The following VWF variants were observed in gnomAD, a reference collection of about 807,000 sequenced individuals.
VWF encodes Factor VIII related antigen.
In VWF, 176 loss-of-function variants were observed where a neutral mutation model predicts 308.6. The observed-to-expected ratio is 0.57, with a 90% CI of 0.50 to 0.65. The LOEUF is 0.65. Among genes scored for constraint, VWF ranks in the 30% least tolerant of loss-of-function variants. VWF has a pLI of 0.00. For synonymous variants in VWF, 1,385 were observed against 1,443.4 expected (o/e 0.96, Z 0.92); for missense variants, 3,146 against 3,648.2 (o/e 0.86, Z 3.55).
chr12:5,985,436 C>T (rs1943668572), intron 39 of VWF, 127 bp downstream of exon 39: 3 of 1,096,034 alleles, frequency 2.7e-6, no homozygotes, highest in Non-Finnish European at 4.0e-6. Context: ...CAAGGAAGCC[C>T]ACCCACTCTA....
At chr12:6,038,526 C>A (rs1176412402) in intron 18 of VWF, among the ~76,000 whole-genome samples, 1 of 7,216 alleles carries the variant, frequency 1.4e-4, no homozygotes, top group Admixed American at 1.5e-3. Context: ...GACAACCCAC[C>A]ATGCCTCCTG....
chr12:5,978,119 T>G (rs1294830116), intron 42 of VWF, among the ~76,000 whole-genome samples: 1 of 149,328 alleles, frequency 6.7e-6, no homozygotes, highest in Non-Finnish European at 1.5e-5. Flanking sequence ...GGCACATAAT[T>G]ATTATTTATA....
intron 13 of VWF, among the ~76,000 whole-genome samples, chr12:6,061,546 C>A (rs1180257768): frequency 2.6e-5 from 4 of 151,664 alleles, no homozygotes; most frequent in South Asian, 2.1e-4. Flanking sequence ...CATAGCCACA[C>A]GAGGATGGAG....
At chr12:6,094,382 G>A (rs1945082009) in intron 6 of VWF, among the ~76,000 whole-genome samples, 1 of 152,198 alleles carries the variant, frequency 6.6e-6, no homozygotes, top group Admixed American at 6.5e-5. Context: ...TATAAGAGGA[G>A]GCTTTCCCTC....
chr12:5,990,201 T>C (rs1226630478), intron 38 of VWF, among the ~76,000 whole-genome samples: 1 of 152,158 alleles, frequency 6.6e-6, no homozygotes, highest in Non-Finnish European at 1.5e-5. Context: ...ATACCCATGC[T>C]CCAATGAACA....
chr12:6,047,393 A>C (rs142521752), intron 16 of VWF, among the ~76,000 whole-genome samples: 1 of 152,280 alleles, frequency 6.6e-6, no homozygotes, highest in African/African-American at 2.4e-5. Flanking sequence ...TGATCCCCCG[A>C]CCAAAGCCAA....
intron 18 of VWF, among the ~76,000 whole-genome samples, chr12:6,037,918 G>A (rs961697990): frequency 1.3e-5 from 2 of 152,178 alleles, no homozygotes; most frequent in African/African-American, 2.4e-5. Flanking sequence ...GCGGTTGGGG[G>A]GAGGGAAATA....
chr12:6,117,811 G>A (rs987455859), intron 3 of VWF, among the ~76,000 whole-genome samples: 6 of 152,166 alleles, frequency 3.9e-5, no homozygotes, highest in African/African-American at 1.4e-4. Context: ...CAACACGAGC[G>A]AGATTCCATT....
chr12:5,967,133 T>C (rs1565812274), intron 47 of VWF, among the ~76,000 whole-genome samples: 1 of 152,218 alleles, frequency 6.6e-6, no homozygotes, highest in East Asian at 1.9e-4. Flanking sequence ...AGGTGTCTGA[T>C]AAATATTTGT....
At chr12:5,980,095 GAA>G (rs2136368471) in intron 42 of VWF, among the ~76,000 whole-genome samples, 1 of 8,114 alleles carries the variant, frequency 1.2e-4, no homozygotes, top group Non-Finnish European at 3.1e-4. Flanking sequence ...AGAAAGAAAG[GAA>G]GGAAGGAAGG....
intron 3 of VWF, 94 bp downstream of exon 3, chr12:6,121,080 G>A (rs1945425992): frequency 1.3e-6 from 2 of 1,551,194 alleles, no homozygotes; most frequent in Non-Finnish European, 8.9e-7. Context: ...TTTCCGCTCA[G>A]ACACTGTCCT....
chr12:6,004,776 A>C (rs1943909194), intron 34 of VWF, among the ~76,000 whole-genome samples: 1 of 151,818 alleles, frequency 6.6e-6, no homozygotes, highest in African/African-American at 2.4e-5. Context: ...ATACACAAAT[A>C]ATAAGTAGTT....
At chr12:6,013,868 A>G (rs972640853) in intron 31 of VWF, among the ~76,000 whole-genome samples, 1 of 152,106 alleles carries the variant, frequency 6.6e-6, no homozygotes, top group Non-Finnish European at 1.5e-5. Flanking sequence ...CCAAGCACAT[A>G]AAGTCCCTCC....
chr12:6,018,996 T>A lies in VWF; in HGVS notation c.4422A>T (p.Ala1474=), dbSNP rs1944096304. The A allele has an allele frequency of 1.9e-6, 3 of 1,613,810 alleles. No homozygotes were observed. Among genetic ancestry groups the A allele is most frequent in the Admixed American group, 3.3e-5 (2 of 59,984 alleles). The change falls in exon 28 of 52, where the codon GCA becomes GCT. Residue 1474 remains alanine, a synonymous_variant. Coordinates refer to ENST00000261405, the MANE Select transcript of VWF (RefSeq NM_000552.5). The part of the protein sequence containing the change: ...APPPTLPPDM[A]QVTVGPGLLG... ...AGAGCCCCGGGCCCACAGTGACTTG[T>A]GCCATGTCGGGGGGCAGAGTAGGAG...
chr12:5,950,450 G>T (rs752638798), intron 50 of VWF, among the ~76,000 whole-genome samples: 3 of 151,960 alleles, frequency 2.0e-5, no homozygotes, highest in African/African-American at 2.4e-5. Flanking sequence ...TCACACAGGG[G>T]TTAGTGGCAT....
In VWF at chr12:6,019,767, A is replaced by G. The variant is rs955426767; in HGVS notation, c.3675-24T>C. 1.9e-6 allele frequency: 3 copies of G among 1,595,392 alleles called. No individual in the cohort carries two copies. Among genetic ancestry groups the G allele is most frequent in the Non-Finnish European group, 2.6e-6 (3 of 1,171,942 alleles). On this transcript the variant is annotated intron_variant, in intron 27 of 51. Transcript: ENST00000261405. This position sits in a 1 kb window ranked among gnomAD's most constrained non-coding sequence, Gnocchi z 5.8. ...GGCTGCAGAAAAGAGCGAAGAAATT[A>G]AAATGGTTCAGGAAGAACCTGTGGA...
In VWF at chr12:5,994,688, G is replaced by C. The variant is rs895488867; in HGVS notation, c.6064-81C>G. 1.7e-5 allele frequency: 22 copies of C among 1,286,530 alleles called. No individual in the cohort carries two copies. In the Admixed American group the frequency reaches 3.0e-4, roughly 17 times the overall value. 79.7% of individuals were successfully genotyped at this position (1,286,530 alleles called of 1,614,324 possible). A position where few individuals can be genotyped will look rare whatever the true frequency, so the allele number is the denominator to read the frequency against. ...TTTAGGGAAGTTACCGAGAGTTCCT[G>C]CACATTCATCACACTCAACTGCAAC... On this transcript the variant is annotated intron_variant, in intron 35 of 51. Coordinates refer to ENST00000261405, the MANE Select transcript of VWF (RefSeq NM_000552.5).
At chr12:5,998,498 A>T (rs2537900) in intron 34 of VWF, among the ~76,000 whole-genome samples, 23 of 30,906 alleles carry the variant, frequency 7.4e-4, no homozygotes, top group African/African-American at 3.3e-3. Context: ...AAAAAAAAAA[A>T]ATATATATAT....
chr12:5,968,397 A>T (rs1943430635), intron 45 of VWF, among the ~76,000 whole-genome samples: 1 of 152,152 alleles, frequency 6.6e-6, no homozygotes. Flanking sequence ...ACGTTCTCCA[A>T]GTGACAGCGC....
Sources: gnomAD v4.1 joint callset for allele counts (sites outside exome capture counted in the v4.1 genomes callset) on GRCh38, gnomAD v4.1.1 for gene constraint, Gnocchi (gnomAD v3.1) non-coding constraint, MANE v1.5 for transcripts, NCBI Gene and HGNC (gene_info 2026-07-23, HGNC 2026-07-21) for gene names.